Variants in PDE10A observed in about 807,000 individuals in gnomAD.
The protein encoded by PDE10A is phosphodiesterase 10A, also known as cAMP and cAMP-inhibited cGMP 3',5'-cyclic phosphodiesterase 10A.
Under a neutral mutation model 97.7 loss-of-function variants are expected in PDE10A, and 39 were observed. The observed-to-expected ratio is 0.40, with a 90% confidence interval of 0.31 to 0.52. The LOEUF is 0.52. Ranked by LOEUF, PDE10A falls within the 20% of genes least tolerant of loss-of-function variation. The probability of loss-of-function intolerance (pLI) is 0.56; values close to 1 mark genes in which losing one functional copy is unlikely to be tolerated. For synonymous variants in PDE10A, 371 were observed against 376.8 expected (o/e 0.98, Z 0.18); for missense variants, 731 against 1,047.8 (o/e 0.70, Z 4.17).
intron 1 of PDE10A, among the ~76,000 whole-genome samples, chr6:165,752,099 C>A (rs888980049): frequency 2.6e-4 from 37 of 142,616 alleles, no homozygotes; most frequent in Non-Finnish European, 4.6e-4. Flanking sequence ...GCCAAGATCA[C>A]GCCACTGCAC....
chr6:165,382,092 G>A (rs1225540660), intron 17 of PDE10A, among the ~76,000 whole-genome samples: 1 of 152,108 alleles, frequency 6.6e-6, no homozygotes, highest in Non-Finnish European at 1.5e-5. Context: ...ACTTAACGTG[G>A]GTGAACAGCA....
chr6:165,409,322 G>A (rs1408539110), intron 13 of PDE10A, among the ~76,000 whole-genome samples: 6 of 152,140 alleles, frequency 3.9e-5, no homozygotes, highest in East Asian at 1.9e-4. Flanking sequence ...CGAGGCAGGC[G>A]GATCACCTGA....
chr6:165,389,495 C>A (rs990769556), intron 16 of PDE10A, among the ~76,000 whole-genome samples: 1 of 152,088 alleles, frequency 6.6e-6, no homozygotes, highest in Non-Finnish European at 1.5e-5. Flanking sequence ...TCAAGTATGA[C>A]CTCAAATGTT....
intron 18 of PDE10A, among the ~76,000 whole-genome samples, chr6:165,374,014 G>A (rs1784441073): frequency 1.4e-5 from 2 of 143,610 alleles, no homozygotes; most frequent in Non-Finnish European, 3.0e-5. Context: ...CTCACTCATA[G>A]ATGGGAATTG....
intron 1 of PDE10A, among the ~76,000 whole-genome samples, chr6:165,556,357 G>A (rs902182767): frequency 1.3e-5 from 2 of 152,162 alleles, no homozygotes; most frequent in East Asian, 3.9e-4. Flanking sequence ...AAAAGAATAA[G>A]GGGCCAAGGG....
intron 1 of PDE10A, among the ~76,000 whole-genome samples, chr6:165,950,108 C>G (rs1783907076): frequency 6.6e-6 from 1 of 152,166 alleles, no homozygotes; most frequent in African/African-American, 2.4e-5. Flanking sequence ...GTTAGGTTAT[C>G]TCCCTTAGAA....
chr6:165,714,409 G>A (rs1247105371), intron 1 of PDE10A, among the ~76,000 whole-genome samples: 3 of 152,232 alleles, frequency 2.0e-5, no homozygotes, highest in African/African-American at 7.2e-5. Flanking sequence ...TCACATTTCC[G>A]TACATCAGAA....
At chr6:165,864,042 C>T (rs531960392) in intron 1 of PDE10A, among the ~76,000 whole-genome samples, 9 of 152,238 alleles carry the variant, frequency 5.9e-5, no homozygotes, top group South Asian at 2.1e-4. Context: ...GCTGTGGGAG[C>T]GTAGGTTGGT....
In PDE10A at chr6:165,888,459, G is replaced by C. The variant is rs188141830; in HGVS notation, c.-615+99070C>G. On this transcript the variant is annotated intron_variant, in intron 1 of 19. Coordinates refer to the PDE10A transcript ENST00000366882. Reference sequence around the variant, plus strand: ...CACCAACACGCCTGGCTAGTTTTTTGTATTTTAGTAGATACAGGGTTTCAC... The same window carrying C: ...CACCAACACGCCTGGCTAGTTTTTTCTATTTTAGTAGATACAGGGTTTCAC... Among the ~76,000 whole-genome samples the C allele has an allele frequency of 1.9e-3, 290 of 151,916 alleles. 2 individuals are homozygous for C. The highest frequency in any genetic ancestry group is 6.7e-3 in the African/African-American group (279 of 41,432).
chr6:165,706,094 G>A (rs915398451), intron 1 of PDE10A, among the ~76,000 whole-genome samples: 5 of 152,204 alleles, frequency 3.3e-5, no homozygotes, highest in African/African-American at 9.7e-5. Context: ...TGCAGAGGGA[G>A]TGCTGACATG....
Position 165,949,269 on chromosome 6 carries a change from G to A in PDE10A, c.-615+38260C>T, listed in dbSNP as rs533338651. On this transcript the variant is annotated intron_variant, in intron 1 of 19. Transcript: ENST00000366882. Reference sequence around the variant, plus strand: ...TTTAAACCCACCTAGTACACAGTACGATGCAATTCAGAATGCTTGTTATTA... The same window carrying A: ...TTTAAACCCACCTAGTACACAGTACAATGCAATTCAGAATGCTTGTTATTA... 5 of 152,316 alleles carry A rather than the reference G, an allele frequency of 3.3e-5. No individual in the cohort carries two copies. The East Asian group carries it at 9.6e-4, about 29-fold the overall frequency. 9.4% of individuals were successfully genotyped at this position (152,316 alleles called of 1,614,324 possible).
intron 1 of PDE10A, among the ~76,000 whole-genome samples, chr6:165,796,838 C>T (rs1275696694): frequency 3.3e-5 from 5 of 152,176 alleles, no homozygotes; most frequent in Non-Finnish European, 7.3e-5. Flanking sequence ...CCCTCATTTT[C>T]AAGACATTGA....
At chr6:165,726,257 T>A (rs1792291840) in intron 1 of PDE10A, among the ~76,000 whole-genome samples, 1 of 152,284 alleles carries the variant, frequency 6.6e-6, no homozygotes, top group South Asian at 2.1e-4. Context: ...ATCCAGCAGT[T>A]ATCTATTCTC....
At chr6:165,749,217 CCATCATAT>C (rs1792915455) in intron 1 of PDE10A, among the ~76,000 whole-genome samples, 1 of 140,680 alleles carries the variant, frequency 7.1e-6, no homozygotes, top group Non-Finnish European at 1.6e-5. Flanking sequence ...ATCACCATCA[CCATCATAT>C]CACCATCACC....
chr6:165,384,671 TG>T (rs112501379), intron 17 of PDE10A, among the ~76,000 whole-genome samples: 756 of 47,066 alleles, frequency 0.016, 20 homozygotes, highest in African/African-American at 0.019. Flanking sequence ...TGTGTGTGTA[TG>T]GGGGGGGGCG....
At chr6:165,714,389 G>A (rs148424466) in intron 1 of PDE10A, among the ~76,000 whole-genome samples, 76 of 152,352 alleles carry the variant, frequency 5.0e-4, no homozygotes, top group African/African-American at 1.8e-3. Context: ...GTCTGATCAT[G>A]TACACTCTGT....
At chr6:165,945,034 C>T (rs1035259236) in intron 1 of PDE10A, among the ~76,000 whole-genome samples, 2 of 152,148 alleles carry the variant, frequency 1.3e-5, no homozygotes, top group Non-Finnish European at 2.9e-5. Flanking sequence ...TGTTCACATC[C>T]CCCATGTTGC....
At chr6:165,685,229 C>A (rs1264134679) in intron 1 of PDE10A, among the ~76,000 whole-genome samples, 1 of 152,072 alleles carries the variant, frequency 6.6e-6, no homozygotes, top group Non-Finnish European at 1.5e-5. Context: ...CTGTTTAAAT[C>A]TTGTAGCAAC....
rs140047413 is a variant in PDE10A, at chr6:165,560,201, G to C, written c.866-16633C>G. The stretch of plus-strand genomic sequence containing the variant: ...ATATTTTTTTTCTGTTGGTGGCAGA[G>C]TTCATGATTCAAAGCACAAGAAAGA... On this transcript the variant is annotated intron_variant, in intron 1 of 21. Coordinates refer to ENST00000539869, the MANE Select transcript of PDE10A (RefSeq NM_001385079.1). Among the ~76,000 whole-genome samples the C allele has an allele frequency of 4.6e-5, 7 of 152,296 alleles. No homozygotes were observed. The East Asian group carries it at 1.4e-3, about 29-fold the overall frequency.
Sources: gnomAD v4.1 joint callset for allele counts (sites outside exome capture counted in the v4.1 genomes callset) on GRCh38, gnomAD v4.1.1 for gene constraint, MANE v1.5 for transcripts, NCBI Gene and HGNC (gene_info 2026-07-23, HGNC 2026-07-21) for gene names.